Variants in PRR16 observed in about 807,000 individuals in gnomAD.
PRR16 encodes protein Largen.
PRR16 carries 6 observed loss-of-function variants against 18.2 expected under a neutral mutation model. That is an observed-to-expected ratio of 0.33 (90% CI 0.18 to 0.65). PRR16 has a LOEUF of 0.65. PRR16 is among the 30% of genes least tolerant of loss of function. PRR16 has a pLI of 0.74. For synonymous variants in PRR16, 151 were observed against 147.8 expected, an observed-to-expected ratio of 1.02 and a Z score of -0.16; for missense variants, 412 against 376.6, an observed-to-expected ratio of 1.09 and a Z score of -0.78.
At chr5:120,729,016 C>G in the PRR16 span, among the ~76,000 whole-genome samples, 3 of 152,088 alleles carry the variant, frequency 2.0e-5, no homozygotes, top group Non-Finnish European at 4.4e-5. Flanking sequence ...CTGCAGGAGA[C>G]TGTTCCTTCC....
chr5:120,788,585 C>G, the PRR16 span, among the ~76,000 whole-genome samples: 1 of 151,960 alleles, frequency 6.6e-6, no homozygotes, highest in Non-Finnish European at 1.5e-5. Flanking sequence ...CTAGATGATA[C>G]AAAAATGGCA....
intron 1 of PRR16, among the ~76,000 whole-genome samples, chr5:120,486,769 T>G (rs1749816425): frequency 6.6e-6 from 1 of 152,220 alleles, no homozygotes; most frequent in Non-Finnish European, 1.5e-5. Context: ...CTAGGGTTTT[T>G]ATGGTTTTAG....
At chr5:120,656,749 A>G (rs914045845) in intron 1 of PRR16, among the ~76,000 whole-genome samples, 3 of 152,028 alleles carry the variant, frequency 2.0e-5, no homozygotes, top group African/African-American at 7.2e-5. Flanking sequence ...AGTATCATAC[A>G]TAAGTGATAT....
chr5:120,745,991 T>A, the PRR16 span, among the ~76,000 whole-genome samples: 87 of 151,958 alleles, frequency 5.7e-4, 1 homozygote, highest in South Asian at 0.018. Flanking sequence ...GGATTACAGG[T>A]GTGAACCACC....
chr5:120,485,211 A>G (rs1371395357), intron 1 of PRR16, among the ~76,000 whole-genome samples: 1 of 152,156 alleles, frequency 6.6e-6, no homozygotes. Flanking sequence ...TAGTCCATTT[A>G]GAAGAGTGGA....
intron 1 of PRR16, among the ~76,000 whole-genome samples, chr5:120,578,753 G>A (rs144879690): frequency 6.6e-6 from 1 of 152,118 alleles, no homozygotes; most frequent in Non-Finnish European, 1.5e-5. Flanking sequence ...ATTCCTTTGG[G>A]TATATAGACA....
the PRR16 span, among the ~76,000 whole-genome samples, chr5:120,784,994 T>G: frequency 0.36 from 55,176 of 152,000 alleles, 10,209 homozygotes; most frequent in African/African-American, 0.39. Context: ...CCCGCTGCTA[T>G]TAGATGAAAC....
chr5:120,619,688 T>TA (rs1403672640), intron 1 of PRR16, among the ~76,000 whole-genome samples: 1 of 152,116 alleles, frequency 6.6e-6, no homozygotes, highest in African/African-American at 2.4e-5. Context: ...TATTAAAATA[T>TA]AGTAAAGCAG....
chr5:120,590,567 C>T (rs1313229332), intron 1 of PRR16, among the ~76,000 whole-genome samples: 1 of 151,970 alleles, frequency 6.6e-6, no homozygotes, highest in Non-Finnish European at 1.5e-5. Context: ...TAAATTATAG[C>T]TAATTTATCT....
intron 1 of PRR16, among the ~76,000 whole-genome samples, chr5:120,672,907 T>G (rs1756663928): frequency 6.6e-6 from 1 of 150,382 alleles, no homozygotes; most frequent in South Asian, 2.1e-4. Context: ...ACACACAAAA[T>G]GCAACTAGTT....
chr5:120,706,739 A>T, the PRR16 span, among the ~76,000 whole-genome samples: 1 of 152,222 alleles, frequency 6.6e-6, no homozygotes. Flanking sequence ...CAGACAAGAA[A>T]GATTTTATTC....
chr5:120,526,777 A>G (rs557421088), intron 1 of PRR16, among the ~76,000 whole-genome samples: 2 of 152,274 alleles, frequency 1.3e-5, no homozygotes, highest in Admixed American at 6.5e-5. Flanking sequence ...GCATTCTGAG[A>G]CTGTATCTAC....
intron 1 of PRR16, among the ~76,000 whole-genome samples, chr5:120,497,782 C>A (rs1391390058): frequency 6.6e-6 from 1 of 151,470 alleles, no homozygotes; most frequent in African/African-American, 2.4e-5. Flanking sequence ...AATAACATAT[C>A]ATATTATTTA....
intron 1 of PRR16, among the ~76,000 whole-genome samples, chr5:120,601,164 T>C (rs1465084520): frequency 6.6e-6 from 1 of 152,080 alleles, no homozygotes; most frequent in Non-Finnish European, 1.5e-5. Context: ...CTTTCCACAG[T>C]GGCGGAACTA....
chr5:120,702,949 C>T, the PRR16 span, among the ~76,000 whole-genome samples: 4 of 152,278 alleles, frequency 2.6e-5, no homozygotes, highest in African/African-American at 7.2e-5. Context: ...ATCCGAGTCA[C>T]GGCACTAAAT....
chr5:120,689,513 G>A (rs149527623), downstream of PRR16, among the ~76,000 whole-genome samples: 2 of 152,190 alleles, frequency 1.3e-5, no homozygotes, highest in African/African-American at 4.8e-5. Flanking sequence ...AAACAGAAAT[G>A]TTTTCCTCAA....
chr5:120,503,651 T>A (rs936998255), intron 1 of PRR16, among the ~76,000 whole-genome samples: 2 of 152,116 alleles, frequency 1.3e-5, no homozygotes, highest in African/African-American at 4.8e-5. Context: ...ATTTTTTTTT[T>A]ATTATACTTT....
chr5:120,685,554 CT>C (rs917817398), intron 1 of PRR16, among the ~76,000 whole-genome samples: 88 of 151,118 alleles, frequency 5.8e-4, no homozygotes, highest in African/African-American at 9.7e-4. Flanking sequence ...TGCAGATTAT[CT>C]TTTTTTTTAA....
At position 120,686,632 on chromosome 5, in the gene PRR16, C is replaced by G. The variant is rs368202527; in HGVS notation, c.838C>G (p.Pro280Ala). The change falls in exon 2 of 2, where the codon CCT (proline) becomes GCT (alanine). Residue 280 changes from proline (P) to alanine (A), a missense_variant. By Grantham distance (27) the Pro-to-Ala change is conservative. Coordinates refer to ENST00000407149, the MANE Select transcript of PRR16 (RefSeq NM_001300783.2). Reference sequence around the variant, plus strand: ...CAGTAACAGCTTCCCCCCTATCAGACCTGCAACTGTGCCTCCTCCCACTGC... The same window carrying G: ...CAGTAACAGCTTCCCCCCTATCAGAGCTGCAACTGTGCCTCCTCCCACTGC... The part of the protein sequence containing the change: ...SHSNSFPPIR[P>A]ATVPPPTAPK... The G allele has an allele frequency of 2.2e-5, 35 of 1,605,672 alleles. No homozygotes were observed. Among genetic ancestry groups the G allele is most frequent in the Non-Finnish European group, 2.9e-5 (34 of 1,175,154 alleles).
Sources: allele counts gnomAD v4.1 joint callset (sites outside exome capture counted in the v4.1 genomes callset), GRCh38; gene constraint gnomAD v4.1.1; transcripts MANE v1.5; gene names NCBI Gene and HGNC (gene_info 2026-07-23, HGNC 2026-07-21).